Variants in OPA3 observed in about 807,000 individuals in gnomAD.
OPA3 encodes the protein optic atrophy 3 protein.
A neutral mutation model predicts 4.0 loss-of-function variants in OPA3; 6 were observed. That is an observed-to-expected ratio of 1.51 (90% CI 0.83 to 2.99). The LOEUF (loss-of-function observed/expected upper bound fraction) is 2.99. Among genes scored for constraint, OPA3 ranks in the 30% most tolerant of loss-of-function variants. The pLI, the probability that OPA3 is intolerant of heterozygous loss-of-function variation, is 0.00. For synonymous variants in OPA3, 105 were observed against 117.1 expected (o/e 0.90, Z 0.67); for missense variants, 235 against 256.2 (o/e 0.92, Z 0.56).
rs759861826 is a variant in OPA3, at chr19:45,529,382, C to A, written c.217G>T (p.Glu73Ter). 7 of 1,614,116 alleles carry A rather than the reference C, an allele frequency of 4.3e-6. No homozygotes were observed. In the East Asian group the frequency reaches 6.7e-5, roughly 15 times the overall value. The stretch of plus-strand genomic sequence containing the variant: ...GCGCCCAGCTCGGCGGCTGCACCCT[C>A]GTTCAGCGGCTTGATGGCAGCGGCA... Residue 73 changes from glutamate to a stop codon, truncating the protein, a stop_gained, in exon 2 of 2, where the codon GAG (glutamate) becomes TAG (stop). Transcript: ENST00000323060. LOFTEE classifies it low-confidence loss of function (END_TRUNC).
In OPA3 at chr19:45,550,625, C is replaced by G. The variant is rs1188502746; in HGVS notation, c.*2889G>C. ...GTGGCATCTCTGGCAAGTCCCTTTG[C>G]TTACCCCTGGCCTTAGTTTCCCCAG... On this transcript the variant is annotated 3_prime_UTR_variant, in exon 2 of 2. Transcript: ENST00000263275. 2 of 986,074 alleles carry G rather than the reference C, an allele frequency of 2.0e-6. No homozygotes were observed. Among genetic ancestry groups the G allele is most frequent in the East Asian group, 2.3e-4 (2 of 8,830 alleles). 61.1% of individuals were successfully genotyped at this position (986,074 alleles called of 1,614,324 possible). A position where few individuals can be genotyped will look rare whatever the true frequency, so the allele number is the denominator to read the frequency against.
intron 1 of OPA3, among the ~76,000 whole-genome samples, chr19:45,565,907 T>C (rs1431905864): frequency 2.6e-5 from 4 of 152,162 alleles, no homozygotes; most frequent in Non-Finnish European, 5.9e-5. Context: ...GCCATGATCC[T>C]GCCACTGTAC....
intron 1 of OPA3, among the ~76,000 whole-genome samples, chr19:45,562,456 C>CT (rs1969518611): frequency 1.3e-5 from 2 of 151,412 alleles, no homozygotes; most frequent in Non-Finnish European, 2.9e-5. Context: ...TTTGGGAGGC[C>CT]AAAGCAGGTG....
chr19:45,532,425 C>T (rs1449901273), intron 1 of OPA3, among the ~76,000 whole-genome samples: 2 of 152,138 alleles, frequency 1.3e-5, no homozygotes, highest in Non-Finnish European at 1.5e-5. Flanking sequence ...CTTAGAGACT[C>T]CTGAGCTTGC....
At chr19:45,577,350 G>A (rs1224628753) in intron 1 of OPA3, among the ~76,000 whole-genome samples, 1 of 152,212 alleles carries the variant, frequency 6.6e-6, no homozygotes, top group Non-Finnish European at 1.5e-5. Flanking sequence ...CGCCTGACCT[G>A]AGAGAAAGCA....
intron 1 of OPA3, among the ~76,000 whole-genome samples, chr19:45,574,323 G>C (rs1399620337): frequency 6.6e-6 from 1 of 151,640 alleles, no homozygotes; most frequent in African/African-American, 2.4e-5. Flanking sequence ...CGTGAACCCG[G>C]GAGGCGGAGC....
In OPA3 at chr19:45,553,565, G is replaced by C; in HGVS notation, c.489C>G (p.Leu163=). Residue 163 remains leucine, a synonymous_variant, in exon 2 of 2, where the codon CTC becomes CTG. Transcript: ENST00000263275. The part of the protein sequence containing the change: ...RTELQEVRAQ[L]CNPGRSASHA... Reference sequence around the variant, plus strand: ...GGGAAGCGGACCGGCCGGGATTGCAGAGCTGGGCGCGCACCTCTTGCAGCT... The same window carrying C: ...GGGAAGCGGACCGGCCGGGATTGCACAGCTGGGCGCGCACCTCTTGCAGCT... The C allele has an allele frequency of 6.2e-7, 1 of 1,613,224 alleles. No homozygotes were observed. Among genetic ancestry groups the C allele is most frequent in the Non-Finnish European group, 8.5e-7 (1 of 1,179,998 alleles).
At chr19:45,558,871 G>A (rs1969460887) in intron 1 of OPA3, among the ~76,000 whole-genome samples, 1 of 151,684 alleles carries the variant, frequency 6.6e-6, no homozygotes, top group African/African-American at 2.4e-5. Context: ...TCTGAGTGCT[G>A]CTTCATGAGA....
intron 1 of OPA3, among the ~76,000 whole-genome samples, chr19:45,572,256 TAAA>T (rs1244637951): frequency 7.2e-6 from 1 of 138,466 alleles, no homozygotes; most frequent in African/African-American, 2.7e-5. Flanking sequence ...CTCATATAAA[TAAA>T]AAATAAAAAT....
chr19:45,582,179 G>A (rs1437834382), intron 1 of OPA3, among the ~76,000 whole-genome samples: 1 of 141,740 alleles, frequency 7.1e-6, no homozygotes. Flanking sequence ...TTTTTTTTTT[G>A]AGATGGATTT....
In OPA3 at chr19:45,550,374, C is replaced by G; in HGVS notation, c.*3140G>C. On this transcript the variant is annotated 3_prime_UTR_variant, in exon 2 of 2. Transcript: ENST00000263275. ...GAATGGTCACCCAGTTTACACAATG[C>G]TATGATCTCTGGTGTGATCTGGGGC... is the stretch of plus-strand genomic sequence containing the variant. 2 of 961,878 alleles carry G rather than the reference C, an allele frequency of 2.1e-6. No individual in the cohort carries two copies. The highest frequency in any genetic ancestry group is 2.4e-6 in the Non-Finnish European group (2 of 823,690). The allele number at this position is 961,878 out of a possible 1,614,324, so 59.6% of individuals were successfully genotyped here. A position where few individuals can be genotyped will look rare whatever the true frequency, so the allele number is the denominator to read the frequency against.
At chr19:45,565,354 G>T (rs941264558) in intron 1 of OPA3, among the ~76,000 whole-genome samples, 3 of 152,122 alleles carry the variant, frequency 2.0e-5, no homozygotes, top group African/African-American at 7.2e-5. Flanking sequence ...TAGTGGCTGG[G>T]CGTGGTGGCT....
rs916873435 is a variant in OPA3, at chr19:45,550,477, G to A, written c.*3037C>T. ...TGGTCTGGGCCTCTGTGTAGAGATC[G>A]TCACCCTCCCAGCCTCTGCTCAGCC... On this transcript the variant is annotated 3_prime_UTR_variant, in exon 2 of 2. Transcript: ENST00000263275. 2.0e-6 allele frequency: 2 copies of A among 986,160 alleles called. No homozygotes were observed. The highest frequency in any genetic ancestry group is 1.2e-6 in the Non-Finnish European group (1 of 830,576). The allele number at this position is 986,160 out of a possible 1,614,324, so 61.1% of individuals were successfully genotyped here.
At chr19:45,570,096 T>C (rs1430782235) in intron 1 of OPA3, among the ~76,000 whole-genome samples, 1 of 152,174 alleles carries the variant, frequency 6.6e-6, no homozygotes, top group Non-Finnish European at 1.5e-5. Flanking sequence ...CGCCCTCTCC[T>C]GTCCACTTGG....
intron 1 of OPA3, among the ~76,000 whole-genome samples, chr19:45,582,151 T>TTTTTA (rs1422875762): frequency 6.6e-6 from 1 of 151,652 alleles, no homozygotes; most frequent in South Asian, 2.1e-4. Context: ...GGAGATTTTA[T>TTTTTA]TTTTATTTTA....
chr19:45,576,541 C>T (rs545631235), intron 1 of OPA3, among the ~76,000 whole-genome samples: 1 of 124,286 alleles, frequency 8.0e-6, no homozygotes, highest in East Asian at 2.4e-4. Context: ...TCCATCCCCC[C>T]CCCCCCAAAA....
intron 1 of OPA3, among the ~76,000 whole-genome samples, chr19:45,538,447 C>T (rs1278064441): frequency 2.0e-5 from 3 of 152,036 alleles, no homozygotes; most frequent in African/African-American, 7.2e-5. Context: ...AGGCCAGGCA[C>T]GGTGTCTTAC....
chr19:45,567,165 T>A (rs1263791662), intron 1 of OPA3, among the ~76,000 whole-genome samples: 1 of 151,570 alleles, frequency 6.6e-6, no homozygotes, highest in Non-Finnish European at 1.5e-5. Flanking sequence ...CTTAGTGAGA[T>A]CCATCTCTAC....
At chr19:45,537,745 G>A (rs542950086) in intron 1 of OPA3, among the ~76,000 whole-genome samples, 35 of 152,172 alleles carry the variant, frequency 2.3e-4, no homozygotes, top group African/African-American at 6.7e-4. Context: ...CGATTCTCCT[G>A]CCTCAGCCTC....
Sources: allele counts gnomAD v4.1 joint callset (sites outside exome capture counted in the v4.1 genomes callset), GRCh38; gene constraint gnomAD v4.1.1; transcripts MANE v1.5; gene names NCBI Gene and HGNC (gene_info 2026-07-23, HGNC 2026-07-21).